TUBB3: variants seen among roughly 807,000 people sequenced by gnomAD.
TUBB3 encodes tubulin beta 3 class III, also known as tubulin beta-3 chain.
Under a neutral mutation model 37.8 loss-of-function variants are expected in TUBB3, and 17 were observed. The ratio of observed to expected loss-of-function variants is 0.45; its 90% CI spans 0.31 to 0.67. TUBB3 has a LOEUF of 0.67. TUBB3 is among the 30% of genes least tolerant of loss of function. The pLI is 0.07. For synonymous variants in TUBB3, 332 were observed against 278.9 expected, an observed-to-expected ratio of 1.19 and a Z score of -1.90; for missense variants, 262 against 657.9, an observed-to-expected ratio of 0.40 and a Z score of 6.58.
intron 1 of TUBB3, among the ~76,000 whole-genome samples, chr16:89,924,082 C>T (rs2029982717): frequency 6.6e-6 from 1 of 152,248 alleles, no homozygotes; most frequent in South Asian, 2.1e-4. Flanking sequence ...TGGGCAACCC[C>T]CGCGGGGCTT....
At chr16:89,933,937 G>A (rs914593227) in intron 3 of TUBB3, 1 of 612,846 alleles carries the variant, frequency 1.6e-6, no homozygotes, top group Non-Finnish European at 2.9e-6. Flanking sequence ...GTGTCCTGGG[G>A]TTGGGCCGTG....
chr16:89,933,388 C>A, intron 2 of TUBB3, 80 bp from the exon 3 acceptor site: 1 of 1,165,314 alleles, frequency 8.6e-7, no homozygotes, highest in Non-Finnish European at 1.3e-6. Flanking sequence ...GGATGGCAGG[C>A]GGGCACAGAA....
chr16:89,923,723 C>T (rs1005081469), intron 1 of TUBB3, among the ~76,000 whole-genome samples: 4 of 152,210 alleles, frequency 2.6e-5, no homozygotes, highest in South Asian at 2.1e-4. Context: ...CACCTGCGCC[C>T]CCTCCACACC....
chr16:89,932,875 C>A, intron 2 of TUBB3, 196 bp downstream of exon 2: 1 of 622,924 alleles, frequency 1.6e-6, no homozygotes, highest in Admixed American at 2.5e-5. Context: ...AAATCACAGT[C>A]ACAAAAGTGA....
intron 1 of TUBB3, 127 bp from the exon 2 acceptor site, chr16:89,932,444 G>T (rs2030310324): frequency 1.4e-6 from 1 of 737,684 alleles, no homozygotes; most frequent in African/African-American, 1.7e-5. Flanking sequence ...TCTTCTGAAT[G>T]GGGCTCGTGG....
chr16:89,923,573 T>G (rs2029963316), intron 1 of TUBB3, 115 bp downstream of exon 1: 3 of 1,044,382 alleles, frequency 2.9e-6, no homozygotes, highest in Non-Finnish European at 3.7e-6. Flanking sequence ...AACAAAGGGA[T>G]GCGCCCAGCG....
chr16:89,930,499 C>T (rs1258471188), intron 1 of TUBB3, among the ~76,000 whole-genome samples: 1 of 152,036 alleles, frequency 6.6e-6, no homozygotes, highest in Non-Finnish European at 1.5e-5. Flanking sequence ...TCTTGGCTTA[C>T]TGCAACCTCC....
At chr16:89,934,586 G>A in intron 3 of TUBB3, 143 bp from the exon 4 acceptor site, 1 of 810,090 alleles carries the variant, frequency 1.2e-6, no homozygotes, top group Non-Finnish European at 2.0e-6. Flanking sequence ...GTATGAGAAG[G>A]GGTGCTCAGT....
rs775085755 is a variant in TUBB3 at position 89,932,609 on chromosome 16, C to T, written c.96C>T (p.Pro32=). ...TCAGTGATGAGCATGGCATCGACCC[C>T]AGCGGCAACTACGTGGGCGACTCGG... ...EVISDEHGID[P]SGNYVGDSDL... Residue 32 remains proline, a synonymous_variant, in exon 2 of 4, where the codon CCC becomes CCT. Coordinates refer to ENST00000315491, the MANE Select transcript of TUBB3 (RefSeq NM_006086.4). 12 of 1,614,158 alleles carry T rather than the reference C, an allele frequency of 7.4e-6. No individual in the cohort carries two copies. The South Asian group carries it at 9.9e-5, about 13-fold the overall frequency.
intron 1 of TUBB3, among the ~76,000 whole-genome samples, chr16:89,925,522 G>A (rs2144402716): frequency 6.6e-6 from 1 of 152,240 alleles, no homozygotes; most frequent in African/African-American, 2.4e-5. Flanking sequence ...CTTCAGCGTG[G>A]GAGGTCGAGG....
At chr16:89,930,743 C>T (rs2030252311) in intron 1 of TUBB3, among the ~76,000 whole-genome samples, 1 of 151,782 alleles carries the variant, frequency 6.6e-6, no homozygotes, top group Non-Finnish European at 1.5e-5. Context: ...ATATGAATTC[C>T]TAGACTCATG....
chr16:89,933,919 C>G (rs2030360949), intron 3 of TUBB3: 2 of 630,786 alleles, frequency 3.2e-6, no homozygotes, highest in Non-Finnish European at 5.7e-6. Flanking sequence ...CAGGACGTTC[C>G]CATGCCTGTG....
At chr16:89,923,516 T>G in intron 1 of TUBB3, 58 bp downstream of exon 1, 1 of 1,338,238 alleles carries the variant, frequency 7.5e-7, no homozygotes, top group African/African-American at 1.5e-5. Flanking sequence ...GGAGGCGCCG[T>G]GCCCCGCGGG....
At chr16:89,931,675 G>C (rs1013768123) in intron 1 of TUBB3, 1 of 183,626 alleles carries the variant, frequency 5.4e-6, no homozygotes, top group African/African-American at 2.3e-5. Context: ...CGTGCCCATT[G>C]TACAGATGAG....
At chr16:89,929,161 C>T (rs1168198428) in intron 1 of TUBB3, among the ~76,000 whole-genome samples, 1 of 152,036 alleles carries the variant, frequency 6.6e-6, no homozygotes, top group African/African-American at 2.4e-5. Flanking sequence ...CAGGGTTTTG[C>T]CCTGTTGTCC....
intron 1 of TUBB3, among the ~76,000 whole-genome samples, chr16:89,924,364 C>T (rs1020737508): frequency 1.3e-5 from 2 of 152,128 alleles, no homozygotes; most frequent in African/African-American, 4.8e-5. Flanking sequence ...GCCCTTGGTT[C>T]TCATCCCCTG....
At chr16:89,923,281 C>A, upstream of TUBB3, 1 of 772,014 alleles carries the variant, frequency 1.3e-6, no homozygotes, top group Non-Finnish European at 1.8e-6. Flanking sequence ...CCCGCGGTGA[C>A]ATCAGCCGAT....
intron 1 of TUBB3, among the ~76,000 whole-genome samples, chr16:89,930,127 G>C (rs994240366): frequency 6.9e-6 from 1 of 144,928 alleles, no homozygotes; most frequent in South Asian, 2.2e-4. Flanking sequence ...CTTTCTTTCT[G>C]ACAGTCTCGC....
chr16:89,928,517 C>T (rs1006375449), intron 1 of TUBB3, among the ~76,000 whole-genome samples: 4 of 144,248 alleles, frequency 2.8e-5, no homozygotes, highest in African/African-American at 7.8e-5. Context: ...CGTCACCACA[C>T]TGGCTAATTT....
Sources: gnomAD v4.1 joint callset for allele counts (sites outside exome capture counted in the v4.1 genomes callset) on GRCh38, gnomAD v4.1.1 for gene constraint, MANE v1.5 for transcripts, NCBI Gene and HGNC (gene_info 2026-07-23, HGNC 2026-07-21) for gene names.